OR2L13: variants seen among roughly 807,000 people sequenced by gnomAD.
The protein encoded by OR2L13 is olfactory receptor 2L13.
In OR2L13, 14 loss-of-function variants were observed where a neutral mutation model predicts 15.3. The ratio of observed to expected loss-of-function variants is 0.91; its 90% CI spans 0.60 to 1.43. OR2L13 has a LOEUF of 1.43. OR2L13 is among the 40% of genes most tolerant of loss of function. The pLI is 0.00. For missense variants in OR2L13, 367 were observed against 387.9 expected, an observed-to-expected ratio of 0.95 and a Z score of 0.45; for synonymous variants, 152 against 142.9, an observed-to-expected ratio of 1.06 and a Z score of -0.45.
the OR2L13 span, chr1:248,060,512 T>C: frequency 5.0e-6 from 3 of 597,642 alleles, no homozygotes; most frequent in Non-Finnish European, 8.9e-6. Flanking sequence ...AATTAAACTT[T>C]ATCAGAAGTA....
At chr1:247,984,304 A>T in the OR2L13 span, among the ~76,000 whole-genome samples, 15 of 151,678 alleles carry the variant, frequency 9.9e-5, no homozygotes, top group African/African-American at 3.6e-4. Context: ...ATGAGATCTG[A>T]TGTGCCATTT....
At chr1:248,066,822 A>G in the OR2L13 span, among the ~76,000 whole-genome samples, 2 of 152,212 alleles carry the variant, frequency 1.3e-5, no homozygotes, top group Non-Finnish European at 2.9e-5. Flanking sequence ...TATAATTGTA[A>G]GCTGTCTGGT....
chr1:247,961,795 C>T, the OR2L13 span, among the ~76,000 whole-genome samples: 42 of 152,178 alleles, frequency 2.8e-4, no homozygotes, highest in East Asian at 8.1e-3. Flanking sequence ...ATGCAGTTTA[C>T]ATTTTTGGAT....
chr1:247,947,045 G>T, the OR2L13 span, among the ~76,000 whole-genome samples: 1 of 151,974 alleles, frequency 6.6e-6, no homozygotes, highest in Non-Finnish European at 1.5e-5. Flanking sequence ...TTTTCATGTG[G>T]TTATTGCTTT....
the OR2L13 span, among the ~76,000 whole-genome samples, chr1:247,977,524 T>G: frequency 6.6e-6 from 1 of 152,166 alleles, no homozygotes; most frequent in Admixed American, 6.5e-5. Flanking sequence ...CTCAAACACC[T>G]CAGTGCAAGT....
At chr1:248,078,795 G>T in the OR2L13 span, among the ~76,000 whole-genome samples, 1 of 151,910 alleles carries the variant, frequency 6.6e-6, no homozygotes, top group Non-Finnish European at 1.5e-5. Flanking sequence ...AAAATAAAAA[G>T]AACAAATTAT....
At chr1:248,060,805 C>G in the OR2L13 span, 24 of 1,613,926 alleles carry the variant, frequency 1.5e-5, no homozygotes, top group East Asian at 5.3e-4. Context: ...AATTGGAAAC[C>G]TATCCATGAT....
At chr1:248,077,141 C>T in the OR2L13 span, among the ~76,000 whole-genome samples, 1 of 151,996 alleles carries the variant, frequency 6.6e-6, no homozygotes, top group Admixed American at 6.6e-5. Flanking sequence ...TGATAAATTA[C>T]ATTTATTGAT....
the OR2L13 span, among the ~76,000 whole-genome samples, chr1:247,979,706 T>C: frequency 6.6e-6 from 1 of 152,064 alleles, no homozygotes; most frequent in African/African-American, 2.4e-5. Flanking sequence ...GGTACCTCAG[T>C]TGGAAATCCA....
chr1:248,069,657 C>G, the OR2L13 span, among the ~76,000 whole-genome samples: 3 of 152,124 alleles, frequency 2.0e-5, no homozygotes, highest in Admixed American at 2.0e-4. Flanking sequence ...ACTAAATGCT[C>G]TAATTAAAAG....
the OR2L13 span, chr1:248,039,158 G>T: frequency 1.1e-5 from 18 of 1,613,238 alleles, no homozygotes; most frequent in Admixed American, 1.8e-4. Flanking sequence ...AGGAGGTGAT[G>T]GGGGCCCTGA....
the OR2L13 span, among the ~76,000 whole-genome samples, chr1:248,019,770 T>C: frequency 6.6e-6 from 1 of 151,444 alleles, no homozygotes; most frequent in Non-Finnish European, 1.5e-5. Context: ...TCTTCTTCTT[T>C]GTCTTGTTCT....
chr1:248,067,589 C>T, the OR2L13 span, among the ~76,000 whole-genome samples: 1 of 152,218 alleles, frequency 6.6e-6, no homozygotes, highest in East Asian at 1.9e-4. Flanking sequence ...GTGATTTCTG[C>T]ATTTCCATCT....
chr1:247,991,781 A>G, the OR2L13 span, among the ~76,000 whole-genome samples: 1 of 149,642 alleles, frequency 6.7e-6, no homozygotes, highest in African/African-American at 2.5e-5. Context: ...CACTATTTTT[A>G]TACATGCTTA....
chr1:248,051,452 AT>A, the OR2L13 span, among the ~76,000 whole-genome samples: 8 of 152,230 alleles, frequency 5.3e-5, no homozygotes, highest in African/African-American at 1.9e-4. Flanking sequence ...TGCTATGAAC[AT>A]GGGAATAGAA....
the OR2L13 span, among the ~76,000 whole-genome samples, chr1:248,042,754 A>G: frequency 6.6e-6 from 1 of 152,080 alleles, no homozygotes; most frequent in Non-Finnish European, 1.5e-5. Flanking sequence ...GTCTACATTA[A>G]TATTTTAAAA....
At chr1:248,050,334 G>A in the OR2L13 span, among the ~76,000 whole-genome samples, 1 of 151,570 alleles carries the variant, frequency 6.6e-6, no homozygotes, top group African/African-American at 2.4e-5. Flanking sequence ...AGCTAATTCT[G>A]TTAATACAAA....
the OR2L13 span, chr1:247,990,485 T>C: frequency 1.9e-6 from 3 of 1,576,310 alleles, no homozygotes; most frequent in African/African-American, 1.3e-5. Context: ...TAAATTATAT[T>C]TCCACCATTG....
chr1:247,983,980 G>C, the OR2L13 span, among the ~76,000 whole-genome samples: 18 of 152,106 alleles, frequency 1.2e-4, no homozygotes, highest in Admixed American at 1.2e-3. Flanking sequence ...TTCTTCTGAT[G>C]TCTTTTCTAC....
Sources: gnomAD v4.1 joint callset for allele counts (sites outside exome capture counted in the v4.1 genomes callset) on GRCh38, gnomAD v4.1.1 for gene constraint, MANE v1.5 for transcripts, NCBI Gene and HGNC (gene_info 2026-07-23, HGNC 2026-07-21) for gene names.